The following CPD variants were observed in gnomAD, a reference collection of about 807,000 sequenced individuals.
The protein encoded by CPD is carboxypeptidase D.
Under a neutral mutation model 138.3 loss-of-function variants are expected in CPD, and 69 were observed. The observed-to-expected ratio is 0.50, with a 90% CI of 0.41 to 0.61. CPD has a LOEUF of 0.61. CPD is among the 20% of genes least tolerant of loss of function. The pLI is 0.00. For missense variants in CPD, 1,432 were observed against 1,733.3 expected, an observed-to-expected ratio of 0.83 and a Z score of 3.09; for synonymous variants, 651 against 642.1, an observed-to-expected ratio of 1.01 and a Z score of -0.21.
chr17:30,433,394 C>T (rs1009068510), intron 8 of CPD, among the ~76,000 whole-genome samples: 1 of 152,156 alleles, frequency 6.6e-6, no homozygotes, highest in Non-Finnish European at 1.5e-5. Flanking sequence ...TCCTTATCTT[C>T]TCTTTGTTTT....
At chr17:30,431,268 G>T (rs2083797874) in intron 7 of CPD, among the ~76,000 whole-genome samples, 1 of 152,030 alleles carries the variant, frequency 6.6e-6, no homozygotes. Flanking sequence ...TATCTTCTTT[G>T]GAGAAATATC....
intron 2 of CPD, among the ~76,000 whole-genome samples, chr17:30,417,250 C>T (rs9910850): frequency 0.52 from 78,732 of 151,894 alleles, 21,074 homozygotes; most frequent in East Asian, 0.82. Context: ...AAGAATGTTA[C>T]GAGAAAGCAG....
chr17:30,445,616 C>T, intron 11 of CPD, 75 bp from the exon 12 acceptor site: 1 of 1,068,870 alleles, frequency 9.4e-7, no homozygotes, highest in South Asian at 1.7e-5. Context: ...CTTACGTTCT[C>T]TGCACACCTG....
At chr17:30,402,523 GC>G (rs1392254178) in intron 2 of CPD, among the ~76,000 whole-genome samples, 2 of 152,218 alleles carry the variant, frequency 1.3e-5, no homozygotes, top group African/African-American at 4.8e-5. Context: ...CTGAGATCGT[GC>G]CACTGCACTC....
chr17:30,420,778 C>A, intron 2 of CPD, 63 bp from the exon 3 acceptor site: 1 of 1,420,408 alleles, frequency 7.0e-7, no homozygotes. Context: ...TTAATTTCTT[C>A]AGTCTTTTGG....
chr17:30,442,115 C>G (rs565614948), intron 9 of CPD, among the ~76,000 whole-genome samples, 193 bp from the exon 10 acceptor site: 14 of 152,192 alleles, frequency 9.2e-5, no homozygotes, highest in Middle Eastern at 3.4e-3. Flanking sequence ...TTAAGAGATT[C>G]AACTTCTTCC....
At chr17:30,423,196 A>T (rs1487386424) in intron 5 of CPD, among the ~76,000 whole-genome samples, 173 bp downstream of exon 5, 1 of 152,218 alleles carries the variant, frequency 6.6e-6, no homozygotes, top group Non-Finnish European at 1.5e-5. Flanking sequence ...TTCCCAGAAG[A>T]GAAGGAAATC....
At chr17:30,446,769 T>C (rs1052100585) in intron 12 of CPD, among the ~76,000 whole-genome samples, 2 of 152,206 alleles carry the variant, frequency 1.3e-5, no homozygotes, top group Non-Finnish European at 2.9e-5. Context: ...CCACAATGGT[T>C]GAACTAGTTT....
chr17:30,435,808 C>T (rs1022603544), intron 8 of CPD, among the ~76,000 whole-genome samples: 33 of 152,146 alleles, frequency 2.2e-4, no homozygotes, highest in Non-Finnish European at 4.4e-5. Flanking sequence ...GTTGGCAGGG[C>T]CATTCTCCCT....
chr17:30,464,482 A>G, intron 20 of CPD, 106 bp from the exon 21 acceptor site: 4 of 823,104 alleles, frequency 4.9e-6, no homozygotes, highest in South Asian at 3.2e-5. Context: ...CATGAAATAG[A>G]AATAAAATAA....
At chr17:30,442,169 T>G (rs1357845090) in intron 9 of CPD, 139 bp from the exon 10 acceptor site, 5 of 626,316 alleles carry the variant, frequency 8.0e-6, no homozygotes, top group Admixed American at 6.0e-5. Flanking sequence ...AGCATCAAAG[T>G]GCCCTCACAT....
intron 2 of CPD, among the ~76,000 whole-genome samples, chr17:30,393,253 A>T (rs1011027605): frequency 6.6e-6 from 1 of 152,238 alleles, no homozygotes; most frequent in African/African-American, 2.4e-5. Context: ...TGCTTTAAAT[A>T]TTGAAGTATG....
In CPD at chr17:30,456,258, G is replaced by C. The variant is rs751725489; in HGVS notation, c.3340G>C (p.Glu1114Gln). Reference sequence around the variant, plus strand: ...CTTCTAAATTTTTCTTTCTATAGTGGAAAATAAAGAGACTCTGAAGCATTT... The same window carrying C: ...CTTCTAAATTTTTCTTTCTATAGTGCAAAATAAAGAGACTCTGAAGCATTT... The part of the protein sequence containing the change: ...YPYDKPVQTV[E>Q]NKETLKHLAS... The change falls in exon 16 of 21, where the codon GAA becomes CAA. Residue 1114 changes from glutamate to glutamine, a missense_variant and splice_region_variant. Glu to Gln is a conservative substitution (Grantham distance 29). Transcript: ENST00000225719. 1.2e-6 allele frequency: 2 copies of C among 1,610,912 alleles called. No homozygotes were observed. Among genetic ancestry groups the C allele is most frequent in the African/African-American group, 1.3e-5 (1 of 74,726 alleles).
Position 30,379,853 on chromosome 17 carries a change from C to A in CPD, c.746+127C>A. 1 of 629,644 alleles carries A rather than the reference C, an allele frequency of 1.6e-6. No homozygotes were observed. Among genetic ancestry groups the A allele is most frequent in the Non-Finnish European group, 2.4e-6 (1 of 421,722 alleles). The allele number at this position is 629,644 out of a possible 1,614,324, so 39.0% of individuals were successfully genotyped here. A position where few individuals can be genotyped will look rare whatever the true frequency, so the allele number is the denominator to read the frequency against. Reference sequence around the variant, plus strand: ...CGGTGGTGAAGGTGAAGGGAGACACCCTGTAACGGGGACAGGGCCCAGGCC... The same window carrying A: ...CGGTGGTGAAGGTGAAGGGAGACACACTGTAACGGGGACAGGGCCCAGGCC... On this transcript the variant is annotated intron_variant, in intron 1 of 20. Coordinates refer to ENST00000225719, the MANE Select transcript of CPD (RefSeq NM_001304.5). The surrounding 1 kb of genome is among the most constrained non-coding windows in gnomAD (Gnocchi z 7.0).
chr17:30,424,662 G>T (rs1232039013), intron 6 of CPD, among the ~76,000 whole-genome samples: 1 of 152,182 alleles, frequency 6.6e-6, no homozygotes, highest in Non-Finnish European at 1.5e-5. Flanking sequence ...GCATATTCCA[G>T]ACTTGCTAAT....
Position 30,462,052 on chromosome 17 carries a change from A to G in CPD, c.3806A>G (p.Gln1269Arg). ...IIAIADGYQQQHSQVFVHHDA... is the reference protein window; with the variant it reads ...IIAIADGYQQRHSQVFVHHDA... ...GCCATCGCTGATGGGTACCAGCAAC[A>G]ACATTCACAGGTAAGAAACTCAAAT... Residue 1269 changes from glutamine (Q) to arginine (R), a missense_variant, in exon 19 of 21, where the codon CAA becomes CGA. This residue lies in a region of CPD where 366 missense variants were observed against 518.8 expected (regional missense o/e 0.71). Transcript: ENST00000225719. 2 of 1,608,184 alleles carry G rather than the reference A, an allele frequency of 1.2e-6. No individual in the cohort carries two copies. The highest frequency in any genetic ancestry group is 1.7e-6 in the Non-Finnish European group (2 of 1,178,172).
At chr17:30,462,281 T>C (rs1460621526) in intron 19 of CPD, 89 bp from the exon 20 acceptor site, 3 of 1,158,302 alleles carry the variant, frequency 2.6e-6, no homozygotes, top group Non-Finnish European at 3.8e-6. Context: ...ATCATCTCCT[T>C]AGTTTGCTAT....
At chr17:30,380,539 A>G in intron 1 of CPD, 1 of 1,461,106 alleles carries the variant, frequency 6.8e-7, no homozygotes, top group East Asian at 2.6e-5. Context: ...TACACACTTT[A>G]AGTGTTATTA....
intron 1 of CPD, among the ~76,000 whole-genome samples, chr17:30,381,857 A>G (rs759871738): frequency 2.6e-5 from 4 of 152,232 alleles, no homozygotes; most frequent in Non-Finnish European, 5.9e-5. Context: ...TATTTCGAAT[A>G]TGTAAAATTT....
Sources: allele counts gnomAD v4.1 joint callset (sites outside exome capture counted in the v4.1 genomes callset), GRCh38; gene constraint gnomAD v4.1.1; regional missense constraint gnomAD v4.1.1; non-coding constraint Gnocchi (gnomAD v3.1); transcripts MANE v1.5; gene names NCBI Gene and HGNC (gene_info 2026-07-23, HGNC 2026-07-21).